Variants in AFG2A observed in about 807,000 individuals in gnomAD.
AFG2A encodes ATPase family gene 2 protein homolog A.
chr4:123,010,410 TC>T, the AFG2A span, among the ~76,000 whole-genome samples: 1 of 144,322 alleles, frequency 6.9e-6, no homozygotes, highest in Admixed American at 7.0e-5. Flanking sequence ...TATTTTTTTT[TC>T]CCAGACTGTA....
At chr4:122,927,269 G>C in the AFG2A span, among the ~76,000 whole-genome samples, 3 of 152,150 alleles carry the variant, frequency 2.0e-5, no homozygotes, top group Admixed American at 2.0e-4. Flanking sequence ...AGATGTGCCA[G>C]TTCCCAGTTC....
chr4:123,095,198 G>A, the AFG2A span, among the ~76,000 whole-genome samples: 1 of 150,910 alleles, frequency 6.6e-6, no homozygotes, highest in Non-Finnish European at 1.5e-5. Flanking sequence ...CTGTAGTTAT[G>A]GTGGGGAAAG....
At chr4:123,132,994 A>T in the AFG2A span, among the ~76,000 whole-genome samples, 807 of 152,080 alleles carry the variant, frequency 5.3e-3, 2 homozygotes, top group African/African-American at 0.018. Flanking sequence ...GTTAGCCAGG[A>T]TGGTCTCGAT....
the AFG2A span, among the ~76,000 whole-genome samples, chr4:123,130,508 G>A: frequency 1.3e-5 from 2 of 152,166 alleles, no homozygotes; most frequent in Non-Finnish European, 2.9e-5. Context: ...TCATATAAAT[G>A]TAATCATGCA....
At chr4:123,234,749 T>G in the AFG2A span, among the ~76,000 whole-genome samples, 1 of 152,190 alleles carries the variant, frequency 6.6e-6, no homozygotes, top group African/African-American at 2.4e-5. Context: ...TACTTTTGAC[T>G]GAGTATTCAT....
chr4:123,295,585 C>T, the AFG2A span, among the ~76,000 whole-genome samples: 2 of 152,246 alleles, frequency 1.3e-5, no homozygotes, highest in Admixed American at 6.5e-5. Context: ...CAGAGCCAGA[C>T]GCCGTGGCTC....
the AFG2A span, among the ~76,000 whole-genome samples, chr4:122,993,855 A>G: frequency 2.0e-5 from 3 of 151,996 alleles, no homozygotes; most frequent in African/African-American, 4.8e-5. Context: ...TCTCCTTTCT[A>G]TAAAAGTGTT....
the AFG2A span, among the ~76,000 whole-genome samples, chr4:123,111,093 G>A: frequency 5.3e-5 from 8 of 152,294 alleles, no homozygotes; most frequent in South Asian, 2.1e-4. Context: ...TGCTGATTCC[G>A]TGGAGTAATA....
the AFG2A span, among the ~76,000 whole-genome samples, chr4:123,049,414 TA>T: frequency 6.6e-6 from 1 of 152,206 alleles, no homozygotes; most frequent in African/African-American, 2.4e-5. Flanking sequence ...GAAATATTAA[TA>T]ATTAGCAGAA....
At chr4:123,254,378 T>G in the AFG2A span, among the ~76,000 whole-genome samples, 1 of 152,192 alleles carries the variant, frequency 6.6e-6, no homozygotes, top group African/African-American at 2.4e-5. Context: ...TAATTTCCTT[T>G]TTGAGTGCCT....
At chr4:122,932,935 T>C in the AFG2A span, among the ~76,000 whole-genome samples, 1 of 152,244 alleles carries the variant, frequency 6.6e-6, no homozygotes, top group African/African-American at 2.4e-5. Flanking sequence ...TAGGCAACTT[T>C]ATAAAGGGAA....
the AFG2A span, among the ~76,000 whole-genome samples, chr4:123,281,918 G>A: frequency 6.6e-6 from 1 of 152,170 alleles, no homozygotes; most frequent in African/African-American, 2.4e-5. Flanking sequence ...AAAGATCAGT[G>A]GTTGTCAGGG....
the AFG2A span, among the ~76,000 whole-genome samples, chr4:122,949,220 G>C: frequency 6.6e-6 from 1 of 152,176 alleles, no homozygotes; most frequent in Non-Finnish European, 1.5e-5. Flanking sequence ...AAAGAAGGGT[G>C]CATGACACAC....
the AFG2A span, among the ~76,000 whole-genome samples, chr4:122,929,667 C>A: frequency 6.6e-6 from 1 of 151,664 alleles, no homozygotes; most frequent in African/African-American, 2.4e-5. Flanking sequence ...CCACTGCACT[C>A]CAGCCTGGGT....
the AFG2A span, among the ~76,000 whole-genome samples, chr4:123,192,136 C>T: frequency 1.3e-5 from 2 of 151,926 alleles, no homozygotes; most frequent in South Asian, 2.1e-4. Context: ...AAGCGATTCT[C>T]GTGCCTCAGC....
At chr4:123,205,526 A>G in the AFG2A span, among the ~76,000 whole-genome samples, 1 of 152,216 alleles carries the variant, frequency 6.6e-6, no homozygotes, top group Non-Finnish European at 1.5e-5. Flanking sequence ...CAGTATAGTA[A>G]CTATTTACAT....
chr4:122,932,962 G>A, the AFG2A span, among the ~76,000 whole-genome samples: 10 of 152,174 alleles, frequency 6.6e-5, no homozygotes, highest in African/African-American at 1.7e-4. Flanking sequence ...GTTTAGGTCA[G>A]CATTTTAAAA....
chr4:122,923,354 G>A, the AFG2A span: 3 of 1,608,848 alleles, frequency 1.9e-6, no homozygotes, highest in Non-Finnish European at 1.7e-6. Context: ...CGCAACCTGA[G>A]GGGCGGGAGA....
the AFG2A span, among the ~76,000 whole-genome samples, chr4:123,095,434 T>G: frequency 6.6e-6 from 1 of 152,110 alleles, no homozygotes; most frequent in Non-Finnish European, 1.5e-5. Flanking sequence ...TCCAGATACT[T>G]TTTCTCTGAA....
Sources: gnomAD v4.1 joint callset for allele counts (sites outside exome capture counted in the v4.1 genomes callset) on GRCh38, gnomAD v4.1.1 for gene constraint, MANE v1.5 for transcripts, NCBI Gene and HGNC (gene_info 2026-07-23, HGNC 2026-07-21) for gene names.